Variants in LOC128706665 observed in about 807,000 individuals in gnomAD.
At chr20:10,422,690 A>G in the LOC128706665 span, among the ~76,000 whole-genome samples, 1 of 151,416 alleles carries the variant, frequency 6.6e-6, no homozygotes, top group Non-Finnish European at 1.5e-5. Flanking sequence ...TCCCCTCAAC[A>G]TGAGGTTATC....
At chr20:10,424,585 A>G in the LOC128706665 span, among the ~76,000 whole-genome samples, 1 of 152,134 alleles carries the variant, frequency 6.6e-6, no homozygotes, top group Non-Finnish European at 1.5e-5. Context: ...AGTTTTACAA[A>G]AAAAAAAATA....
the LOC128706665 span, among the ~76,000 whole-genome samples, chr20:10,424,837 A>C: frequency 1.3e-5 from 2 of 152,132 alleles, no homozygotes; most frequent in Non-Finnish European, 2.9e-5. Context: ...GGATCACCTG[A>C]GGTCAGGAGT....
At chr20:10,420,889 A>G in the LOC128706665 span, 1 of 152,210 alleles carries the variant, frequency 6.6e-6, no homozygotes, top group African/African-American at 2.4e-5. Context: ...TTTAAATTAT[A>G]ATACATTGCA....
the LOC128706665 span, among the ~76,000 whole-genome samples, chr20:10,427,274 T>C: frequency 6.6e-6 from 1 of 152,238 alleles, no homozygotes; most frequent in African/African-American, 2.4e-5. Flanking sequence ...TTTTGCCTAT[T>C]GGGCTTGCTG....
At chr20:10,430,186 A>C in the LOC128706665 span, among the ~76,000 whole-genome samples, 1 of 152,266 alleles carries the variant, frequency 6.6e-6, no homozygotes, top group Non-Finnish European at 1.5e-5. Context: ...ACCAGTTTTC[A>C]GAAAGTCAAG....
chr20:10,433,101 T>G, the LOC128706665 span, among the ~76,000 whole-genome samples: 1 of 152,226 alleles, frequency 6.6e-6, no homozygotes, highest in Admixed American at 6.5e-5. Context: ...CCTCCAGGGC[T>G]CAAGCGATTC....
chr20:10,415,798 T>A, the LOC128706665 span, among the ~76,000 whole-genome samples: 1 of 152,270 alleles, frequency 6.6e-6, no homozygotes, highest in Non-Finnish European at 1.5e-5. Context: ...GAATGCCATG[T>A]TGGCACCTCT....
At chr20:10,426,523 C>T in the LOC128706665 span, among the ~76,000 whole-genome samples, 1 of 152,226 alleles carries the variant, frequency 6.6e-6, no homozygotes, top group African/African-American at 2.4e-5. Context: ...CCTCAGCCTC[C>T]CAGGTAGCTG....
the LOC128706665 span, among the ~76,000 whole-genome samples, chr20:10,432,885 T>C: frequency 1.3e-5 from 2 of 151,328 alleles, no homozygotes. Context: ...CTACTTATAA[T>C]ACCTAATACA....
the LOC128706665 span, among the ~76,000 whole-genome samples, chr20:10,433,160 C>T: frequency 6.6e-5 from 10 of 152,250 alleles, no homozygotes; most frequent in African/African-American, 2.4e-4. Flanking sequence ...TGCGCCACTG[C>T]GCCCGGCTCA....
the LOC128706665 span, among the ~76,000 whole-genome samples, chr20:10,427,029 GACACACACAC>G: frequency 9.3e-3 from 1,211 of 130,762 alleles, 12 homozygotes; most frequent in Middle Eastern, 0.013. Context: ...AGAAAACACT[GACACACACAC>G]ACACACACAC....
chr20:10,431,885 G>T, the LOC128706665 span: 1 of 152,136 alleles, frequency 6.6e-6, no homozygotes, highest in South Asian at 2.1e-4. Flanking sequence ...CCTACTCAGA[G>T]AGCCTTTCTC....
At chr20:10,418,281 G>A in the LOC128706665 span, among the ~76,000 whole-genome samples, 1 of 152,198 alleles carries the variant, frequency 6.6e-6, no homozygotes, top group African/African-American at 2.4e-5. Flanking sequence ...AAAGCTGGTT[G>A]TGGCGAAATG....
the LOC128706665 span, among the ~76,000 whole-genome samples, chr20:10,431,205 T>G: frequency 1.3e-5 from 2 of 152,132 alleles, no homozygotes; most frequent in African/African-American, 4.8e-5. Context: ...ATCAAAGCAA[T>G]TATATATTAT....
At chr20:10,427,029 GACACACACACACACACACAC>G in the LOC128706665 span, among the ~76,000 whole-genome samples, 7 of 130,786 alleles carry the variant, frequency 5.4e-5, no homozygotes, top group East Asian at 7.8e-4. Flanking sequence ...AGAAAACACT[GACACACACACACACACACAC>G]ACACACACAC....
the LOC128706665 span, among the ~76,000 whole-genome samples, chr20:10,421,424 A>C: frequency 1.4e-4 from 22 of 152,130 alleles, no homozygotes; most frequent in African/African-American, 5.1e-4. Flanking sequence ...CACAAAAAAA[A>C]AAAAAAAAAA....
At chr20:10,432,714 T>C in the LOC128706665 span, among the ~76,000 whole-genome samples, 9 of 143,296 alleles carry the variant, frequency 6.3e-5, no homozygotes, top group Non-Finnish European at 1.2e-4. Flanking sequence ...GAGAATTGCT[T>C]GAACCCGGGA....
the LOC128706665 span, among the ~76,000 whole-genome samples, chr20:10,424,989 G>T: frequency 6.6e-6 from 1 of 151,302 alleles, no homozygotes; most frequent in South Asian, 2.1e-4. Context: ...GGAGGCGGAG[G>T]TTGCAGTGAG....
At chr20:10,433,392 G>A in the LOC128706665 span, among the ~76,000 whole-genome samples, 3 of 152,222 alleles carry the variant, frequency 2.0e-5, no homozygotes, top group African/African-American at 7.2e-5. Flanking sequence ...CCCATCACTA[G>A]AACATGGAGT....
Sources: allele counts gnomAD v4.1 joint callset (sites outside exome capture counted in the v4.1 genomes callset), GRCh38; gene constraint gnomAD v4.1.1; transcripts MANE v1.5.